SOHLH1: variants seen among roughly 807,000 people sequenced by gnomAD.
The protein encoded by SOHLH1 is spermatogenesis and oogenesis specific basic helix-loop-helix 1.
A neutral mutation model predicts 36.2 loss-of-function variants in SOHLH1; 23 were observed. The observed-to-expected ratio is 0.64, with a 90% CI of 0.46 to 0.90. The LOEUF (loss-of-function observed/expected upper bound fraction) is 0.90, where lower values mean the gene tolerates loss of function less well. SOHLH1 is among the 40% of genes least tolerant of loss of function. The probability of loss-of-function intolerance (pLI) is 0.00; values close to 1 mark genes in which losing one functional copy is unlikely to be tolerated. For missense variants in SOHLH1, 608 were observed against 517.0 expected, an observed-to-expected ratio of 1.18 and a Z score of -1.71; for synonymous variants, 289 against 228.3, an observed-to-expected ratio of 1.27 and a Z score of -2.40.
chr9:135,701,822 G>A, upstream of SOHLH1, among the ~76,000 whole-genome samples: 1 of 152,208 alleles, frequency 6.6e-6, no homozygotes, highest in East Asian at 1.9e-4. Flanking sequence ...GTCCCTGGGC[G>A]CAGCGGCTGG....
upstream of SOHLH1, among the ~76,000 whole-genome samples, chr9:135,700,341 C>G (rs915186761): frequency 2.0e-5 from 3 of 152,178 alleles, no homozygotes. Context: ...TTGAGTCCCC[C>G]AGTACATACT....
Position 135,697,511 on chromosome 9 carries a change from C to T in SOHLH1, c.462G>A (p.Gly154=), listed in dbSNP as rs1434958179. ...GGGCCCCAGGAGACACTAACCGAGTCCCGCTGGACGCTCCCGTCCCAGGGT... is the reference window on the plus strand; with the variant it reads ...GGGCCCCAGGAGACACTAACCGAGTTCCGCTGGACGCTCCCGTCCCAGGGT... ...VPDPGTGASS[G]TRTPDVKAFL... Residue 154 remains glycine, a synonymous_variant, in exon 4 of 8, where the codon GGG becomes GGA. Transcript: ENST00000425225. The T allele has an allele frequency of 6.2e-7, 1 of 1,610,518 alleles. No homozygotes were observed.
upstream of SOHLH1, among the ~76,000 whole-genome samples, chr9:135,699,837 C>T (rs563304134): frequency 2.6e-5 from 4 of 152,044 alleles, no homozygotes; most frequent in East Asian, 7.8e-4. Flanking sequence ...TTTGGAGATG[C>T]GGGCTCTGCC....
intron 3 of SOHLH1, among the ~76,000 whole-genome samples, chr9:135,698,006 G>A (rs555906714): frequency 2.6e-5 from 4 of 152,222 alleles, no homozygotes; most frequent in Non-Finnish European, 5.9e-5. Flanking sequence ...AATGATCTAG[G>A]GGGTGCTCAG....
At chr9:135,694,824 G>A (rs748325952) in intron 6 of SOHLH1, among the ~76,000 whole-genome samples, 6 of 149,982 alleles carry the variant, frequency 4.0e-5, no homozygotes, top group South Asian at 2.1e-4. Context: ...CAATTAGGAA[G>A]ACAAAAGTGT....
intron 4 of SOHLH1, among the ~76,000 whole-genome samples, chr9:135,697,244 G>C (rs373626265): frequency 6.6e-6 from 1 of 152,190 alleles, no homozygotes; most frequent in Admixed American, 6.5e-5. Flanking sequence ...AGGAGCAGAA[G>C]AGATCCTCCC....
In SOHLH1 at chr9:135,699,438, CG is replaced by C; in HGVS notation, c.29del (p.Pro10ArgfsTer50). 6.2e-6 allele frequency: 10 copies of C among 1,612,362 alleles called. No homozygotes were observed. Among genetic ancestry groups the C allele is most frequent in the Non-Finnish European group, 8.5e-6 (10 of 1,179,810 alleles). MASRCSEPYPEVSRIPTVRG... is the reference protein window; with the variant it reads MASRCSEPYXEVSRIPTVRG... The stretch of plus-strand genomic sequence containing the variant: ...TGACGGTAGGGATTCTGGAGACCTC[CG>C]GGTAGGGCTCGGAGCACCGGGACGC... On this transcript the variant is annotated frameshift_variant, in exon 1 of 8. Coordinates refer to ENST00000425225, the MANE Select transcript of SOHLH1 (RefSeq NM_001101677.2). LOFTEE classifies it high-confidence loss of function.
upstream of SOHLH1, chr9:135,699,527 C>T (rs927395576): frequency 1.3e-6 from 2 of 1,556,004 alleles, no homozygotes; most frequent in Non-Finnish European, 1.8e-6. Flanking sequence ...AGCCCCGCCC[C>T]CTCACGTGTG....
chr9:135,699,369 C>T, intron 1 of SOHLH1, 34 bp downstream of exon 1: 1 of 1,596,038 alleles, frequency 6.3e-7, no homozygotes, highest in Non-Finnish European at 8.6e-7. Context: ...GGCCTTGGGC[C>T]CCCAACCCCT....
chr9:135,694,111 C>G, intron 7 of SOHLH1: 1 of 1,429,604 alleles, frequency 7.0e-7, no homozygotes. Context: ...CCAGGGGCCT[C>G]GCTGACACAG....
Position 135,696,713 on chromosome 9 carries a change from G to C in SOHLH1, c.560C>G (p.Ser187Cys). The change falls in exon 5 of 8, where the codon TCC becomes TGC. Residue 187 changes from serine (S) to cysteine (C), a missense_variant. Coordinates refer to ENST00000425225, the MANE Select transcript of SOHLH1 (RefSeq NM_001101677.2). ...PEPVPHILASSRQWDPASCTS... is the reference protein window; with the variant it reads ...PEPVPHILASCRQWDPASCTS... ...GCAGCTCGCGGGGTCCCACTGCCTG[G>C]AGGACGCAAGGATGTGCGGCACGGG... 6.2e-7 allele frequency: 1 copy of C among 1,613,034 alleles called. No homozygotes were observed. Among genetic ancestry groups the C allele is most frequent in the Non-Finnish European group, 8.5e-7 (1 of 1,179,982 alleles).
chr9:135,695,084 C>T lies in SOHLH1; in HGVS notation c.841G>A (p.Ala281Thr), dbSNP rs1292560235. The T allele has an allele frequency of 1.9e-6, 3 of 1,597,990 alleles. No individual in the cohort carries two copies. The highest frequency in any genetic ancestry group is 3.4e-5 in the Admixed American group (2 of 58,664). Residue 281 changes from alanine to threonine, a missense_variant, in exon 6 of 8, where the codon GCC (alanine) becomes ACC (threonine). Physicochemically the swap from Ala to Thr is moderately conservative, Grantham distance 58. Transcript: ENST00000425225. Reference sequence around the variant, plus strand: ...TGCGCCAGCATGGGGTCCTCCTTGGCTGGCTCCCCCAGAGGTGCAGCCCCC... The same window carrying T: ...TGCGCCAGCATGGGGTCCTCCTTGGTTGGCTCCCCCAGAGGTGCAGCCCCC... ...AMGAAPLGEP[A>T]KEDPMLAQEA...
intron 1 of SOHLH1, 89 bp downstream of exon 1, chr9:135,699,303 CCAGGAGGCCCA>C: frequency 6.7e-7 from 1 of 1,498,776 alleles, no homozygotes; most frequent in South Asian, 1.2e-5. Flanking sequence ...GGGCTCCGCC[CCAGGAGGCCCA>C]GGATGGGTGG....
intron 7 of SOHLH1, chr9:135,694,122 G>A: frequency 1.4e-6 from 2 of 1,431,690 alleles, no homozygotes; most frequent in Non-Finnish European, 1.8e-6. Context: ...GCTGACACAG[G>A]GTCAAGGGGA....
upstream of SOHLH1, among the ~76,000 whole-genome samples, chr9:135,701,232 C>G (rs1213256831): frequency 6.6e-6 from 1 of 152,122 alleles, no homozygotes; most frequent in East Asian, 1.9e-4. Flanking sequence ...TCCCCACCCA[C>G]CCCTCAAAAG....
At chr9:135,702,102 C>A, upstream of SOHLH1, 3 of 592,218 alleles carry the variant, frequency 5.1e-6, no homozygotes, top group Non-Finnish European at 8.5e-6. Flanking sequence ...CGGCAGGGGG[C>A]GCGCGCGGAC....
At chr9:135,700,719 T>C (rs1835001538), upstream of SOHLH1, among the ~76,000 whole-genome samples, 1 of 151,850 alleles carries the variant, frequency 6.6e-6, no homozygotes, top group East Asian at 1.9e-4. Flanking sequence ...TAATATAAGG[T>C]GGTGTCTCCA....
Position 135,695,089 on chromosome 9 carries a change from TC to T in SOHLH1, c.835del (p.Glu279SerfsTer29). ...PLAMGAAPLGEPAKEDPMLAQ... is the reference protein window; with the variant it reads ...PLAMGAAPLGXPAKEDPMLAQ... ...CAGCATGGGGTCCTCCTTGGCTGGC[TC>T]CCCCAGAGGTGCAGCCCCCATGGCC... On this transcript the variant is annotated frameshift_variant, in exon 6 of 8. Coordinates refer to ENST00000425225, the MANE Select transcript of SOHLH1 (RefSeq NM_001101677.2). LOFTEE classifies it high-confidence loss of function. 6.3e-7 allele frequency: 1 copy of T among 1,598,332 alleles called. No individual in the cohort carries two copies.
At chr9:135,701,215 C>G (rs1835023337), upstream of SOHLH1, among the ~76,000 whole-genome samples, 1 of 152,178 alleles carries the variant, frequency 6.6e-6, no homozygotes, top group Admixed American at 6.5e-5. Context: ...TAGACTTCCC[C>G]GAGTGTTCCC....
Sources: gnomAD v4.1 joint callset for allele counts (sites outside exome capture counted in the v4.1 genomes callset) on GRCh38, gnomAD v4.1.1 for gene constraint, MANE v1.5 for transcripts, NCBI Gene and HGNC (gene_info 2026-07-23, HGNC 2026-07-21) for gene names.